Variants in DPP10 observed in about 807,000 individuals in gnomAD.
The protein encoded by DPP10 is inactive dipeptidyl peptidase 10.
In DPP10, 33 loss-of-function variants were observed where a neutral mutation model predicts 120.9. The ratio of observed to expected loss-of-function variants is 0.27; its 90% CI spans 0.21 to 0.37. The LOEUF (loss-of-function observed/expected upper bound fraction) is 0.37, where lower values mean the gene tolerates loss of function less well. DPP10 is among the 10% of genes least tolerant of loss of function. The pLI is 1.00. For missense variants in DPP10, 816 were observed against 942.8 expected, an observed-to-expected ratio of 0.87 and a Z score of 1.76; for synonymous variants, 337 against 326.1, an observed-to-expected ratio of 1.03 and a Z score of -0.36.
At chr2:115,268,011 A>G (rs1170731518) in intron 1 of DPP10, among the ~76,000 whole-genome samples, 1 of 152,212 alleles carries the variant, frequency 6.6e-6, no homozygotes, top group African/African-American at 2.4e-5. Flanking sequence ...TGAATATTTT[A>G]TGAATCATAT....
Position 114,643,607 on chromosome 2 carries a change from T to C in DPP10, c.60+200769T>C, listed in dbSNP as rs140105234. Among the ~76,000 whole-genome samples, 114 of 151,962 alleles carry C rather than the reference T, an allele frequency of 7.5e-4. 2 individuals are homozygous for C. The highest frequency in any genetic ancestry group is 3.4e-3 in the Middle Eastern group (1 of 294). Reference sequence around the variant, plus strand: ...ATATCATTCAGTTCCCAGCTAGTTTTCTCTTCATTTATTTGTGATTTTACT... The same window carrying C: ...ATATCATTCAGTTCCCAGCTAGTTTCCTCTTCATTTATTTGTGATTTTACT... On this transcript the variant is annotated intron_variant, in intron 1 of 25. Transcript: ENST00000410059.
At chr2:114,733,483 A>C (rs1463473693) in intron 1 of DPP10, among the ~76,000 whole-genome samples, 1 of 152,168 alleles carries the variant, frequency 6.6e-6, no homozygotes, top group Non-Finnish European at 1.5e-5. Context: ...GGACCTCTTT[A>C]TTTCCTACTC....
chr2:115,688,967 C>A lies in DPP10; in HGVS notation c.442-720C>A, dbSNP rs2091160696. 2.0e-5 allele frequency among the ~76,000 whole-genome samples: 3 copies of A among 152,136 alleles called. No homozygotes were observed. The South Asian group carries it at 6.2e-4, about 31-fold the overall frequency. ...AGTTTTTTTCCTATCAGAACCATCACTCAAGAAATACCAGTTGAATGCATA... is the reference window on the plus strand; with the variant it reads ...AGTTTTTTTCCTATCAGAACCATCAATCAAGAAATACCAGTTGAATGCATA... On this transcript the variant is annotated intron_variant, in intron 5 of 25. Coordinates refer to ENST00000410059, the MANE Select transcript of DPP10 (RefSeq NM_020868.6).
intron 13 of DPP10, among the ~76,000 whole-genome samples, chr2:115,774,207 C>CAT (rs1181048614): frequency 3.4e-5 from 2 of 59,580 alleles, no homozygotes; most frequent in African/African-American, 8.4e-5. Flanking sequence ...TTAAAACACA[C>CAT]ATACACACAC....
chr2:115,284,777 A>G (rs1477741388), intron 1 of DPP10, among the ~76,000 whole-genome samples: 1 of 151,954 alleles, frequency 6.6e-6, no homozygotes, highest in East Asian at 1.9e-4. Flanking sequence ...ATGGTTAATC[A>G]ATGGGATAAA....
intron 3 of DPP10, among the ~76,000 whole-genome samples, chr2:115,459,217 C>T (rs966651837): frequency 6.6e-6 from 1 of 151,472 alleles, no homozygotes; most frequent in Non-Finnish European, 1.5e-5. Flanking sequence ...AGTGCAGTGG[C>T]ACAATGTGGT....
chr2:114,863,534 TC>T (rs1689990945), intron 1 of DPP10, among the ~76,000 whole-genome samples: 1 of 152,080 alleles, frequency 6.6e-6, no homozygotes, highest in Non-Finnish European at 1.5e-5. Context: ...CAGATCTCCT[TC>T]CCAATTGCCA....
rs527864096 is a variant in DPP10, at chr2:115,630,074, A to G, written c.442-59613A>G. 3.9e-5 allele frequency among the ~76,000 whole-genome samples: 6 copies of G among 152,004 alleles called. No individual in the cohort carries two copies. In the South Asian group the frequency reaches 1.2e-3, roughly 32 times the overall value. ...TTTCCATTTGTCTGTGTCCTATCTT[A>G]TTTCCTTGAGCCATGGTTTGTAGTT... On this transcript the variant is annotated intron_variant, in intron 5 of 25. Coordinates refer to ENST00000410059, the MANE Select transcript of DPP10 (RefSeq NM_020868.6).
intron 1 of DPP10, among the ~76,000 whole-genome samples, chr2:115,256,353 G>C (rs2058986999): frequency 1.3e-5 from 2 of 152,196 alleles, no homozygotes; most frequent in Non-Finnish European, 2.9e-5. Context: ...ACAGCATGTG[G>C]GGATTATGGG....
chr2:115,306,251 C>T (rs1393619812), intron 1 of DPP10, among the ~76,000 whole-genome samples: 1 of 151,852 alleles, frequency 6.6e-6, no homozygotes, highest in Non-Finnish European at 1.5e-5. Context: ...AGGAGAAATT[C>T]CCAAGAGAAG....
chr2:115,372,040 A>C (rs530009740), intron 3 of DPP10, among the ~76,000 whole-genome samples: 3 of 152,170 alleles, frequency 2.0e-5, no homozygotes, highest in Non-Finnish European at 4.4e-5. Flanking sequence ...TTTCTATGTA[A>C]TGTAACAAGT....
chr2:114,882,075 G>A (rs548144275), intron 1 of DPP10, among the ~76,000 whole-genome samples: 21 of 148,580 alleles, frequency 1.4e-4, no homozygotes, highest in African/African-American at 5.2e-4. Flanking sequence ...AAGACTTGGA[G>A]TCATTTATAA....
intron 5 of DPP10, among the ~76,000 whole-genome samples, chr2:115,551,229 C>T (rs902792841): frequency 6.6e-6 from 1 of 152,098 alleles, no homozygotes; most frequent in African/African-American, 2.4e-5. Flanking sequence ...TTGCTTGTCA[C>T]AATGGGATCC....
chr2:115,469,128 T>C (rs566812239), intron 3 of DPP10, among the ~76,000 whole-genome samples: 48 of 152,146 alleles, frequency 3.2e-4, no homozygotes, highest in Admixed American at 3.0e-3. Context: ...GGTTACACCA[T>C]GTTGGCCAGG....
chr2:114,712,706 T>C (rs1466758974), intron 1 of DPP10, among the ~76,000 whole-genome samples: 1 of 152,158 alleles, frequency 6.6e-6, no homozygotes, highest in Non-Finnish European at 1.5e-5. Context: ...TAGAATACTA[T>C]GAAATAGATA....
At chr2:115,782,924 A>G (rs1221159807) in intron 17 of DPP10, among the ~76,000 whole-genome samples, 1 of 152,112 alleles carries the variant, frequency 6.6e-6, no homozygotes, top group Non-Finnish European at 1.5e-5. Context: ...TTTGTCAAAC[A>G]ATGTGACAGA....
At chr2:114,762,184 A>G (rs1166695849) in intron 1 of DPP10, among the ~76,000 whole-genome samples, 1 of 152,210 alleles carries the variant, frequency 6.6e-6, no homozygotes, top group Non-Finnish European at 1.5e-5. Context: ...GGATAAATTC[A>G]TAACAGAGAT....
At chr2:114,991,233 G>C (rs2104928329) in intron 1 of DPP10, among the ~76,000 whole-genome samples, 1 of 152,268 alleles carries the variant, frequency 6.6e-6, no homozygotes, top group Non-Finnish European at 1.5e-5. Context: ...CTAGCCAACT[G>C]TCCAGGGCAG....
At chr2:114,885,989 C>T (rs112952461) in intron 1 of DPP10, among the ~76,000 whole-genome samples, 1,705 of 152,130 alleles carry the variant, frequency 0.011, 27 homozygotes, top group African/African-American at 0.037. Flanking sequence ...ATAAACTCAC[C>T]GTTCAATAAG....
Sources: allele counts gnomAD v4.1 joint callset (sites outside exome capture counted in the v4.1 genomes callset), GRCh38; gene constraint gnomAD v4.1.1; transcripts MANE v1.5; gene names NCBI Gene and HGNC (gene_info 2026-07-23, HGNC 2026-07-21).